Variants in GAB4 observed in about 807,000 individuals in gnomAD.
The protein encoded by GAB4 is GRB2-associated-binding protein 4.
Under a neutral mutation model 51.3 loss-of-function variants are expected in GAB4, and 26 were observed. That is an observed-to-expected ratio of 0.51 (90% CI 0.37 to 0.70). The LOEUF (loss-of-function observed/expected upper bound fraction) is 0.70. Ranked by LOEUF, GAB4 falls within the 30% of genes least tolerant of loss-of-function variation. The pLI is 0.00. For synonymous variants in GAB4, 329 were observed against 291.2 expected, an observed-to-expected ratio of 1.13 and a Z score of -1.32; for missense variants, 759 against 734.6, an observed-to-expected ratio of 1.03 and a Z score of -0.38.
intron 3 of GAB4, among the ~76,000 whole-genome samples, chr22:16,981,905 C>T (rs1386844064): frequency 6.6e-6 from 1 of 152,144 alleles, no homozygotes; most frequent in Non-Finnish European, 1.5e-5. Flanking sequence ...GAGGGTTCAA[C>T]ATATGCAAAG....
At chr22:17,004,198 A>G (rs2123729335) in intron 1 of GAB4, among the ~76,000 whole-genome samples, 1 of 151,614 alleles carries the variant, frequency 6.6e-6, no homozygotes, top group South Asian at 2.1e-4. Context: ...ATCAACAACA[A>G]CAAGAAAAGC....
At position 16,966,015 on chromosome 22, in the gene GAB4, C is replaced by T. The variant is rs897923578; in HGVS notation, c.1288+85G>A. On this transcript the variant is annotated intron_variant, in intron 6 of 9. Transcript: ENST00000400588. ...ATTCACATGACTTGCCAAAGTCAGA[C>T]GTTCCACATCCAGGATCCACCTGAC... is the stretch of plus-strand genomic sequence containing the variant. 1.6e-5 allele frequency: 20 copies of T among 1,286,900 alleles called. 1 individual carries two copies. The highest frequency in any genetic ancestry group is 5.4e-4 in the Middle Eastern group (2 of 3,684). 79.7% of individuals were successfully genotyped at this position (1,286,900 alleles called of 1,614,324 possible).
intron 3 of GAB4, among the ~76,000 whole-genome samples, chr22:16,979,617 C>T (rs2060810568): frequency 6.6e-6 from 1 of 152,182 alleles, no homozygotes; most frequent in African/African-American, 2.4e-5. Flanking sequence ...AAATTCAATG[C>T]TATTCCCATC....
At chr22:16,996,458 C>T (rs1158242059) in intron 1 of GAB4, among the ~76,000 whole-genome samples, 1 of 151,932 alleles carries the variant, frequency 6.6e-6, no homozygotes, top group Non-Finnish European at 1.5e-5. Context: ...ATACAAAGAC[C>T]ACCACCATGA....
chr22:16,985,258 T>A (rs574214871), intron 3 of GAB4, among the ~76,000 whole-genome samples: 1 of 152,360 alleles, frequency 6.6e-6, no homozygotes, highest in East Asian at 1.9e-4. Context: ...TATTTTAAAG[T>A]CTTTGTAGGC....
chr22:16,975,907 CAA>C (rs2060773760), intron 3 of GAB4, among the ~76,000 whole-genome samples: 1 of 152,156 alleles, frequency 6.6e-6, no homozygotes, highest in Admixed American at 6.5e-5. Context: ...GGACCTCCAG[CAA>C]ACTCCAGTAG....
Position 16,962,649 on chromosome 22 carries a change from G to T in GAB4, c.*84C>A. On this transcript the variant is annotated 3_prime_UTR_variant, in exon 10 of 10. Coordinates refer to ENST00000400588, the MANE Select transcript of GAB4 (RefSeq NM_001037814.1). ...CTCTGCTCTCTATGTAAGGGATGCG[G>T]TCCCTGATATTACAGAGCTTTAGAG... The T allele has an allele frequency of 7.8e-7, 1 of 1,277,538 alleles. No homozygotes were observed. Among genetic ancestry groups the T allele is most frequent in the Non-Finnish European group, 1.1e-6 (1 of 925,014 alleles). The allele number at this position is 1,277,538 out of a possible 1,614,324, so 79.1% of individuals were successfully genotyped here. A position where few individuals can be genotyped will look rare whatever the true frequency, so the allele number is the denominator to read the frequency against.
At chr22:17,001,401 A>G (rs539193390) in intron 1 of GAB4, among the ~76,000 whole-genome samples, 1 of 152,242 alleles carries the variant, frequency 6.6e-6, no homozygotes, top group African/African-American at 2.4e-5. Flanking sequence ...ATCTTCAATC[A>G]CTGATGCCTT....
At chr22:16,993,464 C>A (rs1403647969) in intron 1 of GAB4, among the ~76,000 whole-genome samples, 6 of 152,318 alleles carry the variant, frequency 3.9e-5, no homozygotes, top group Admixed American at 1.3e-4. Flanking sequence ...CTCCTACCAC[C>A]TTTTCCCACT....
intron 1 of GAB4, among the ~76,000 whole-genome samples, chr22:17,004,598 C>A (rs1252019007): frequency 6.6e-6 from 1 of 152,172 alleles, no homozygotes; most frequent in Non-Finnish European, 1.5e-5. Flanking sequence ...TCAATAGATG[C>A]AGAAAAGGCC....
intron 6 of GAB4, among the ~76,000 whole-genome samples, chr22:16,965,670 C>T (rs191527849): frequency 6.6e-6 from 1 of 152,208 alleles, no homozygotes; most frequent in South Asian, 2.1e-4. Flanking sequence ...AGCAGGTAGA[C>T]ACCATGAGGT....
chr22:16,995,594 G>A (rs1219200238), intron 1 of GAB4, among the ~76,000 whole-genome samples: 1 of 152,192 alleles, frequency 6.6e-6, no homozygotes, highest in Admixed American at 6.5e-5. Context: ...GCCCCTCTGG[G>A]ATGACGCTTC....
chr22:17,004,637 C>G (rs554541421), intron 1 of GAB4, among the ~76,000 whole-genome samples: 43 of 151,916 alleles, frequency 2.8e-4, no homozygotes, highest in Non-Finnish European at 5.1e-4. Context: ...CCCGTTCGTG[C>G]TAAAAACTCT....
At chr22:16,992,422 T>C (rs374158711) in intron 1 of GAB4, among the ~76,000 whole-genome samples, 1 of 152,018 alleles carries the variant, frequency 6.6e-6, no homozygotes, top group Non-Finnish European at 1.5e-5. Flanking sequence ...GAGCAGGAGG[T>C]TGGGTGAGGA....
At position 16,962,624 on chromosome 22, in the gene GAB4, C is replaced by T; in HGVS notation, c.*109G>A. 1 of 1,057,498 alleles carries T rather than the reference C, an allele frequency of 9.5e-7. No homozygotes were observed. Among genetic ancestry groups the T allele is most frequent in the Non-Finnish European group, 1.3e-6 (1 of 751,818 alleles). 65.5% of individuals were successfully genotyped at this position (1,057,498 alleles called of 1,614,324 possible). On this transcript the variant is annotated 3_prime_UTR_variant, in exon 10 of 10. Coordinates refer to ENST00000400588, the MANE Select transcript of GAB4 (RefSeq NM_001037814.1). The stretch of plus-strand genomic sequence containing the variant: ...GGCAAAGGATGTATATTGATCAGGC[C>T]TCTGCTCTCTATGTAAGGGATGCGG...
Position 16,967,030 on chromosome 22 carries a change from TGAAA to T in GAB4, c.1024-670_1024-667del, listed in dbSNP as rs2060681798. On this transcript the variant is annotated intron_variant, in intron 5 of 9. Transcript: ENST00000400588. ...TATCAGAGTGACCTTGGAAAGACTC[TGAAA>T]TCAAAGTAGAGGCAAGAAAAAAATG... 4 of 152,394 alleles carry T rather than the reference TGAAA, an allele frequency of 2.6e-5. No individual in the cohort carries two copies. In the East Asian group the frequency reaches 7.7e-4, roughly 29 times the overall value. The allele number at this position is 152,394 out of a possible 1,614,324, so 9.4% of individuals were successfully genotyped here.
In GAB4 at chr22:16,975,695, A is replaced by AC. The variant is rs372243491; in HGVS notation, c.687-5503dup. ...GACTGCCTCCTCAAGCAGGTCCCTGACCCCTGTCCCTCCTGACTGGAGAAA... is the reference window on the plus strand; with the variant it reads ...GACTGCCTCCTCAAGCAGGTCCCTGACCCCCTGTCCCTCCTGACTGGAGAAA... On this transcript the variant is annotated intron_variant, in intron 3 of 9. Transcript: ENST00000400588. Among the ~76,000 whole-genome samples, 24 of 152,202 alleles carry AC rather than the reference A, an allele frequency of 1.6e-4. No homozygotes were observed. In the East Asian group the frequency reaches 4.6e-3, roughly 29 times the overall value.
intron 3 of GAB4, among the ~76,000 whole-genome samples, chr22:16,981,399 A>C (rs1255199856): frequency 6.6e-6 from 1 of 152,096 alleles, no homozygotes; most frequent in Non-Finnish European, 1.5e-5. Context: ...TAGATTAACA[A>C]AAAATGAGTC....
chr22:16,992,283 CTA>C, intron 1 of GAB4, 107 bp from the exon 2 acceptor site: 1 of 949,638 alleles, frequency 1.1e-6, no homozygotes, highest in South Asian at 1.7e-5. Context: ...TGCACTCAGC[CTA>C]TGTCTCCCTT....
Sources: gnomAD v4.1 joint callset for allele counts (sites outside exome capture counted in the v4.1 genomes callset) on GRCh38, gnomAD v4.1.1 for gene constraint, MANE v1.5 for transcripts, NCBI Gene and HGNC (gene_info 2026-07-23, HGNC 2026-07-21) for gene names.